Variants in TASP1 observed in about 807,000 individuals in gnomAD.
The protein encoded by TASP1 is taspase 1, also known as threonine aspartase 1.
In TASP1, 16 loss-of-function variants were observed where a neutral mutation model predicts 56.6. The observed-to-expected ratio is 0.28, with a 90% confidence interval of 0.19 to 0.43. The LOEUF is 0.43. Ranked by LOEUF, TASP1 falls within the 20% of genes least tolerant of loss-of-function variation. TASP1 has a pLI of 1.00. For missense variants in TASP1, 393 were observed against 511.6 expected, an observed-to-expected ratio of 0.77 and a Z score of 2.24; for synonymous variants, 179 against 184.2, an observed-to-expected ratio of 0.97 and a Z score of 0.23.
At chr20:13,368,473 C>T in the TASP1 span, 2 of 152,178 alleles carry the variant, frequency 1.3e-5, no homozygotes, top group African/African-American at 4.8e-5. Context: ...AATAAAACCA[C>T]TTTATAGAGA....
At chr20:13,440,225 T>TA (rs1193352788) in intron 11 of TASP1, among the ~76,000 whole-genome samples, 1 of 152,174 alleles carries the variant, frequency 6.6e-6, no homozygotes, top group Admixed American at 6.5e-5. Context: ...AATAAAGCTC[T>TA]ACAAAGTCTC....
the TASP1 span, chr20:13,368,381 G>C: frequency 6.6e-6 from 1 of 152,236 alleles, no homozygotes; most frequent in African/African-American, 2.4e-5. Flanking sequence ...AAAGAATACA[G>C]GGATTACACT....
chr20:13,618,229 G>A (rs1364013611), intron 4 of TASP1, among the ~76,000 whole-genome samples: 1 of 152,006 alleles, frequency 6.6e-6, no homozygotes, highest in Non-Finnish European at 1.5e-5. Context: ...GGGAAACATG[G>A]CAAAACCCCA....
the TASP1 span, among the ~76,000 whole-genome samples, chr20:13,375,926 GT>G: frequency 2.0e-3 from 290 of 147,282 alleles, 1 homozygote; most frequent in East Asian, 0.04. Context: ...TGATGGGGTT[GT>G]TTTTTTTTTG....
the TASP1 span, among the ~76,000 whole-genome samples, chr20:13,290,160 G>T: frequency 1.3e-5 from 2 of 152,136 alleles, no homozygotes; most frequent in Admixed American, 1.3e-4. Context: ...CAACCATTAC[G>T]GTGCTTTTCC....
At chr20:13,543,699 T>C (rs1568564468) in intron 8 of TASP1, among the ~76,000 whole-genome samples, 1 of 152,190 alleles carries the variant, frequency 6.6e-6, no homozygotes, top group Admixed American at 6.5e-5. Context: ...AAGAAGACCA[T>C]AGGCTGGCTT....
chr20:13,334,037 A>G, the TASP1 span, among the ~76,000 whole-genome samples: 1 of 152,230 alleles, frequency 6.6e-6, no homozygotes, highest in African/African-American at 2.4e-5. Flanking sequence ...AGCAAGTTCC[A>G]TTATATAAAC....
the TASP1 span, among the ~76,000 whole-genome samples, chr20:13,218,919 A>C: frequency 6.6e-6 from 1 of 152,246 alleles, no homozygotes; most frequent in African/African-American, 2.4e-5. Flanking sequence ...CTGTCCCCAA[A>C]ATTCAATTTA....
intron 3 of TASP1, among the ~76,000 whole-genome samples, chr20:13,624,896 C>T (rs575955242): frequency 6.6e-6 from 1 of 152,252 alleles, no homozygotes; most frequent in South Asian, 2.1e-4. Context: ...CTCTATCCTT[C>T]TGTCTACAGA....
intron 5 of TASP1, among the ~76,000 whole-genome samples, chr20:13,584,712 G>A (rs2047242664): frequency 6.6e-6 from 1 of 152,008 alleles, no homozygotes; most frequent in African/African-American, 2.4e-5. Flanking sequence ...TCAAGGGATT[G>A]GTATCATACA....
chr20:13,295,892 G>T, the TASP1 span, among the ~76,000 whole-genome samples: 2 of 152,218 alleles, frequency 1.3e-5, no homozygotes, highest in Admixed American at 1.3e-4. Context: ...GGTCAGCAAA[G>T]CATCCACAGC....
chr20:13,265,782 G>T, the TASP1 span, among the ~76,000 whole-genome samples: 10,742 of 152,062 alleles, frequency 0.071, 415 homozygotes, highest in Non-Finnish European at 0.091. Flanking sequence ...TCCCAAGAGG[G>T]CACATTGCTA....
the TASP1 span, among the ~76,000 whole-genome samples, chr20:13,364,680 A>C: frequency 6.6e-6 from 1 of 152,054 alleles, no homozygotes; most frequent in South Asian, 2.1e-4. Context: ...ACTTGGTATC[A>C]ACTTGGTCAA....
chr20:13,404,635 T>C (rs1028743569), intron 13 of TASP1, among the ~76,000 whole-genome samples: 3 of 152,150 alleles, frequency 2.0e-5, no homozygotes, highest in Admixed American at 6.5e-5. Context: ...ATAAATTGCA[T>C]TATTTAGGTA....
At chr20:13,190,596 G>T in the TASP1 span, among the ~76,000 whole-genome samples, 1 of 152,130 alleles carries the variant, frequency 6.6e-6, no homozygotes. Context: ...ATGGATTGAA[G>T]ACTTAAATGT....
chr20:13,584,423 A>G (rs2047230724), intron 5 of TASP1, among the ~76,000 whole-genome samples: 1 of 152,222 alleles, frequency 6.6e-6, no homozygotes, highest in Non-Finnish European at 1.5e-5. Flanking sequence ...GCCACACAAG[A>G]GGTATGAACA....
chr20:13,316,497 C>G, the TASP1 span, among the ~76,000 whole-genome samples: 2 of 151,846 alleles, frequency 1.3e-5, no homozygotes, highest in African/African-American at 2.4e-5. Flanking sequence ...AAAAAAAGTA[C>G]TGACCAACAT....
At chr20:13,143,437 CATT>C in the TASP1 span, among the ~76,000 whole-genome samples, 1 of 152,114 alleles carries the variant, frequency 6.6e-6, no homozygotes, top group African/African-American at 2.4e-5. Context: ...ATGCAGTGGG[CATT>C]ATTATTATTA....
At chr20:13,108,787 G>A in the TASP1 span, among the ~76,000 whole-genome samples, 804 of 152,158 alleles carry the variant, frequency 5.3e-3, 9 homozygotes, top group African/African-American at 0.018. Flanking sequence ...TGTTGGTCCC[G>A]AACTCCTGAC....
Sources: gnomAD v4.1 joint callset for allele counts (sites outside exome capture counted in the v4.1 genomes callset) on GRCh38, gnomAD v4.1.1 for gene constraint, MANE v1.5 for transcripts, NCBI Gene and HGNC (gene_info 2026-07-23, HGNC 2026-07-21) for gene names.